The following SCD variants were observed in gnomAD, a reference collection of about 807,000 sequenced individuals.
SCD encodes the protein acyl-CoA desaturase.
In SCD, 4 loss-of-function variants were observed where a neutral mutation model predicts 35.7. That is an observed-to-expected ratio of 0.11 (90% CI 0.06 to 0.26). SCD has a LOEUF of 0.26. SCD is among the 10% of genes least tolerant of loss of function. The pLI, the probability that SCD is intolerant of heterozygous loss-of-function variation, is 1.00. For missense variants in SCD, 282 were observed against 460.7 expected (o/e 0.61, Z 3.55); for synonymous variants, 150 against 170.2 (o/e 0.88, Z 0.92).
chr10:100,350,225 T>C (rs1350697069), intron 2 of SCD, among the ~76,000 whole-genome samples: 1 of 151,796 alleles, frequency 6.6e-6, no homozygotes, highest in Non-Finnish European at 1.5e-5. Context: ...ATATCAGAAC[T>C]CCTCTGTCTT....
At chr10:100,354,173 C>G (rs1246001475) in intron 3 of SCD, among the ~76,000 whole-genome samples, 1 of 152,234 alleles carries the variant, frequency 6.6e-6, no homozygotes, top group Non-Finnish European at 1.5e-5. Flanking sequence ...TCCGTTCCAC[C>G]CACCATATAA....
intron 2 of SCD, among the ~76,000 whole-genome samples, chr10:100,350,513 C>T (rs890060201): frequency 1.3e-5 from 2 of 152,096 alleles, no homozygotes; most frequent in Admixed American, 6.6e-5. Flanking sequence ...TTTCTTAAGG[C>T]CAGAGCAATG....
chr10:100,364,040 C>T lies in SCD; in HGVS notation c.*3107C>T, dbSNP rs1229933822. ...TCCCTTCTGGGCTTCATTCTGGAAA[C>T]TTTTGTTAGGGCTGCTTTTCTTAAG... On this transcript the variant is annotated 3_prime_UTR_variant, in exon 6 of 6. Coordinates refer to ENST00000370355, the MANE Select transcript of SCD (RefSeq NM_005063.5). 1.3e-5 allele frequency: 2 copies of T among 151,672 alleles called. No homozygotes were observed. The highest frequency in any genetic ancestry group is 4.9e-5 in the African/African-American group (2 of 41,164). The allele number at this position is 151,672 out of a possible 1,614,324, so 9.4% of individuals were successfully genotyped here. A position where few individuals can be genotyped will look rare whatever the true frequency, so the allele number is the denominator to read the frequency against.
At position 100,347,369 on chromosome 10, in the gene SCD, G is replaced by T; in HGVS notation, c.-136G>T. The T allele has an allele frequency of 1.0e-6, 1 of 981,710 alleles. No homozygotes were observed. The highest frequency in any genetic ancestry group is 1.6e-6 in the Non-Finnish European group (1 of 628,802). The allele number at this position is 981,710 out of a possible 1,614,324, so 60.8% of individuals were successfully genotyped here. A position where few individuals can be genotyped will look rare whatever the true frequency, so the allele number is the denominator to read the frequency against. On this transcript the variant is annotated 5_prime_UTR_variant, in exon 1 of 6. Transcript: ENST00000370355. ...ACCTCCACGCACCGCGGCTAGCGCC[G>T]ACAACCAGCTAGCGTGCAAGGCGCC...
intron 4 of SCD, among the ~76,000 whole-genome samples, chr10:100,355,492 C>CT (rs1368135447): frequency 2.0e-5 from 3 of 152,168 alleles, no homozygotes; most frequent in African/African-American, 7.2e-5. Flanking sequence ...TTGTCGAGTC[C>CT]TAAAAGCAGA....
At chr10:100,355,606 G>T (rs532918942) in intron 4 of SCD, among the ~76,000 whole-genome samples, 1 of 152,224 alleles carries the variant, frequency 6.6e-6, no homozygotes, top group Admixed American at 6.5e-5. Context: ...TAGAACAAGT[G>T]TAAGAAACCA....
chr10:100,358,239 G>T (rs1042223365), intron 5 of SCD, among the ~76,000 whole-genome samples: 6 of 152,132 alleles, frequency 3.9e-5, no homozygotes, highest in Non-Finnish European at 8.8e-5. Context: ...GAGCTCAAGT[G>T]ATCTTCCTGC....
intron 2 of SCD, among the ~76,000 whole-genome samples, chr10:100,349,593 T>C (rs552986618): frequency 6.6e-6 from 1 of 152,316 alleles, no homozygotes; most frequent in East Asian, 1.9e-4. Context: ...GAAATGCAAC[T>C]GAGAAGAGCC....
chr10:100,347,619 G>A, intron 1 of SCD, 88 bp downstream of exon 1: 1 of 1,422,486 alleles, frequency 7.0e-7, no homozygotes, highest in Non-Finnish European at 9.8e-7. Context: ...AGAGAGGGGA[G>A]AGCTCCGCGG....
At chr10:100,360,216 A>G (rs1156246170) in intron 5 of SCD, among the ~76,000 whole-genome samples, 4 of 152,254 alleles carry the variant, frequency 2.6e-5, no homozygotes, top group Non-Finnish European at 5.9e-5. Context: ...TTTAAGAGTC[A>G]TAGCCAGAGT....
intron 1 of SCD, 150 bp downstream of exon 1, chr10:100,347,681 T>C (rs1016222248): frequency 3.5e-6 from 3 of 857,816 alleles, no homozygotes; most frequent in East Asian, 5.3e-5. Flanking sequence ...GTTGGGAATG[T>C]GGATTGTAAT....
chr10:100,354,784 T>G (rs1849910811), intron 4 of SCD, 152 bp downstream of exon 4: 3 of 640,844 alleles, frequency 4.7e-6, no homozygotes, highest in Non-Finnish European at 2.7e-6. Context: ...ATTTTTAACA[T>G]CCCACGGGCC....
At position 100,356,390 on chromosome 10, in the gene SCD, A is replaced by G; in HGVS notation, c.648-142A>G. ...GACCCTGTCAAAAAAAACAAACAAA[A>G]ATAAATAAAACAATGAACTTAGAGT... On this transcript the variant is annotated intron_variant, in intron 4 of 5. Transcript: ENST00000370355. The surrounding 1 kb of genome is among the most constrained non-coding windows in gnomAD (Gnocchi z 4.1). The G allele has an allele frequency of 1.4e-6, 1 of 700,088 alleles. No individual in the cohort carries two copies. Among genetic ancestry groups the G allele is most frequent in the Admixed American group, 2.5e-5 (1 of 39,968 alleles). The allele number at this position is 700,088 out of a possible 1,614,324, so 43.4% of individuals were successfully genotyped here.
At chr10:100,359,824 TC>T (rs1849971354) in intron 5 of SCD, among the ~76,000 whole-genome samples, 1 of 152,138 alleles carries the variant, frequency 6.6e-6, no homozygotes, top group Non-Finnish European at 1.5e-5. Context: ...GAAAGAAGAG[TC>T]CTGCCAAGCG....
At chr10:100,357,636 CT>C (rs1250909054) in intron 5 of SCD, among the ~76,000 whole-genome samples, 3 of 151,980 alleles carry the variant, frequency 2.0e-5, no homozygotes, top group Non-Finnish European at 2.9e-5. Flanking sequence ...CTTTTCTTTC[CT>C]TTCATTTTCT....
Position 100,352,233 on chromosome 10 carries a change from A to G in SCD, c.311-133A>G. ...ATCTAAGGGATGTGGTTATCCCTAG[A>G]GTTCATGGTAAAGCCAGTTCTCACC... On this transcript the variant is annotated intron_variant, in intron 2 of 5. Coordinates refer to ENST00000370355, the MANE Select transcript of SCD (RefSeq NM_005063.5). The surrounding 1 kb of genome is among the most constrained non-coding windows in gnomAD (Gnocchi z 4.2). The G allele has an allele frequency of 2.6e-6, 2 of 770,780 alleles. No individual in the cohort carries two copies. Among genetic ancestry groups the G allele is most frequent in the Non-Finnish European group, 2.1e-6 (1 of 484,708 alleles). The allele number at this position is 770,780 out of a possible 1,614,324, so 47.7% of individuals were successfully genotyped here.
At chr10:100,348,403 A>G (rs1849830889) in intron 2 of SCD, 57 bp downstream of exon 2, 2 of 1,532,330 alleles carry the variant, frequency 1.3e-6, no homozygotes, top group East Asian at 2.3e-5. Context: ...TGCTCTTTTA[A>G]TAAGGTAGGA....
intron 4 of SCD, among the ~76,000 whole-genome samples, chr10:100,355,076 A>C (rs1311597726): frequency 6.6e-6 from 1 of 152,154 alleles, no homozygotes; most frequent in East Asian, 1.9e-4. Flanking sequence ...GACTACAGGC[A>C]CACACCGCCA....
At position 100,356,848 on chromosome 10, in the gene SCD, CTG is replaced by C; in HGVS notation, c.880+86_880+87del. 8.9e-7 allele frequency: 1 copy of C among 1,125,894 alleles called. No individual in the cohort carries two copies. 69.7% of individuals were successfully genotyped at this position (1,125,894 alleles called of 1,614,324 possible). A position where few individuals can be genotyped will look rare whatever the true frequency, so the allele number is the denominator to read the frequency against. On this transcript the variant is annotated intron_variant, in intron 5 of 5. Coordinates refer to ENST00000370355, the MANE Select transcript of SCD (RefSeq NM_005063.5). This position sits in a 1 kb window ranked among gnomAD's most constrained non-coding sequence, Gnocchi z 4.1. Reference sequence around the variant, plus strand: ...TAGGAGCCAGAAAAACTAGATAAATCTGTTTTTTATGGCTACTTTGTATCTCA... The same window carrying C: ...TAGGAGCCAGAAAAACTAGATAAATCTTTTTTATGGCTACTTTGTATCTCA...
Sources: gnomAD v4.1 joint callset for allele counts (sites outside exome capture counted in the v4.1 genomes callset) on GRCh38, gnomAD v4.1.1 for gene constraint, Gnocchi (gnomAD v3.1) non-coding constraint, MANE v1.5 for transcripts, NCBI Gene and HGNC (gene_info 2026-07-23, HGNC 2026-07-21) for gene names.